OSBP: variants seen among roughly 807,000 people sequenced by gnomAD.
OSBP encodes the protein oxysterol binding protein, also known as oxysterol-binding protein 1.
In OSBP, 32 loss-of-function variants were observed where a neutral mutation model predicts 96.6. That is an observed-to-expected ratio of 0.33 (90% confidence interval 0.25 to 0.45). The LOEUF (loss-of-function observed/expected upper bound fraction) is 0.45. Ranked by LOEUF, OSBP falls within the 20% of genes least tolerant of loss-of-function variation. The pLI, the probability that OSBP is intolerant of heterozygous loss-of-function variation, is 1.00. For synonymous variants in OSBP, 369 were observed against 389.6 expected (o/e 0.95, Z 0.62); for missense variants, 653 against 1,029.7 (o/e 0.63, Z 5.01).
chr11:59,585,089 G>A (rs1429855812), intron 9 of OSBP, among the ~76,000 whole-genome samples: 2 of 150,376 alleles, frequency 1.3e-5, no homozygotes, highest in African/African-American at 2.4e-5. Context: ...GTCTCTGCCT[G>A]GCTGCCCATC....
At position 59,576,979 on chromosome 11, in the gene OSBP, G is replaced by A; in HGVS notation, c.2107C>T (p.Leu703Phe). ...GCAGTGCCACTTTCCCAAGCATTGA[G>A]AGTCAGAGCAAGCTCTGAGAAGTAG... is the stretch of plus-strand genomic sequence containing the variant. ...MYYFSELALT[L>F]NAWESGTAPT... is the part of the protein sequence containing the mutation. The change falls in exon 13 of 14, where the codon CTC becomes TTC. Residue 703 changes from leucine to phenylalanine, a missense_variant. Coordinates refer to ENST00000263847, the MANE Select transcript of OSBP (RefSeq NM_002556.3). 6.2e-7 allele frequency: 1 copy of A among 1,614,192 alleles called. No individual in the cohort carries two copies. The highest frequency in any genetic ancestry group is 8.5e-7 in the Non-Finnish European group (1 of 1,180,038).
intron 7 of OSBP, among the ~76,000 whole-genome samples, chr11:59,596,565 G>C (rs376116939): frequency 1.3e-5 from 2 of 149,664 alleles, no homozygotes; most frequent in Admixed American, 1.3e-4. Context: ...GAGCTATACA[G>C]CTGATGAAAA....
intron 9 of OSBP, chr11:59,593,380 T>G: frequency 1.9e-6 from 1 of 519,612 alleles, no homozygotes; most frequent in Non-Finnish European, 3.5e-6. Context: ...TAAATATAGC[T>G]AAGAGGATAA....
chr11:59,583,659 T>C lies in OSBP; in HGVS notation c.1679-2105A>G, dbSNP rs796759281. 8.5e-3 allele frequency among the ~76,000 whole-genome samples: 1,170 copies of C among 137,464 alleles called. 14 individuals carry two copies. The highest frequency in any genetic ancestry group is 0.032 in the African/African-American group (1,064 of 33,132). The allele number at this position is 137,464 out of a possible 152,430, so 90.2% of individuals were successfully genotyped here. ...GTTTTTTTTTTTTTTTTTTTTTTTT[T>C]TCGAGATGGAGTCTTGCTCTGTCAC... On this transcript the variant is annotated intron_variant, in intron 9 of 13. Coordinates refer to ENST00000263847, the MANE Select transcript of OSBP (RefSeq NM_002556.3).
chr11:59,581,856 C>G (rs1860425571), intron 9 of OSBP, among the ~76,000 whole-genome samples: 1 of 152,206 alleles, frequency 6.6e-6, no homozygotes, highest in Non-Finnish European at 1.5e-5. Flanking sequence ...AGAAACAAGT[C>G]AAATGCACCC....
intron 9 of OSBP, among the ~76,000 whole-genome samples, chr11:59,591,956 G>A (rs1860589193): frequency 1.3e-5 from 2 of 152,092 alleles, no homozygotes; most frequent in Admixed American, 6.6e-5. Context: ...TTGAATCCAT[G>A]AATGCAGAAT....
At chr11:59,591,641 G>A (rs968068715) in intron 9 of OSBP, among the ~76,000 whole-genome samples, 1 of 58,976 alleles carries the variant, frequency 1.7e-5, no homozygotes, top group Non-Finnish European at 3.5e-5. Context: ...TTTTTTTTTT[G>A]AGGAGTTCTG....
intron 3 of OSBP, among the ~76,000 whole-genome samples, chr11:59,603,538 T>C (rs113569369): frequency 6.8e-6 from 1 of 146,894 alleles, no homozygotes; most frequent in South Asian, 2.2e-4. Flanking sequence ...AGTTTTTTTT[T>C]TTTTTTTTTT....
chr11:59,585,632 C>A (rs796933175), intron 9 of OSBP, among the ~76,000 whole-genome samples: 12 of 152,074 alleles, frequency 7.9e-5, no homozygotes, highest in Non-Finnish European at 1.3e-4. Flanking sequence ...AAGTGAGGAG[C>A]CCCTCTGCCA....
chr11:59,611,449 G>A (rs542702181), intron 1 of OSBP, among the ~76,000 whole-genome samples: 4 of 152,034 alleles, frequency 2.6e-5, no homozygotes, highest in Admixed American at 6.5e-5. Context: ...AAACCATCTC[G>A]CTCCCGACTG....
At chr11:59,604,261 T>C (rs1219880890) in intron 3 of OSBP, among the ~76,000 whole-genome samples, 1 of 152,192 alleles carries the variant, frequency 6.6e-6, no homozygotes, top group Admixed American at 6.5e-5. Flanking sequence ...TTAGTTATTA[T>C]AATTATAAGC....
At chr11:59,589,207 C>T (rs1860544162) in intron 9 of OSBP, among the ~76,000 whole-genome samples, 1 of 146,300 alleles carries the variant, frequency 6.8e-6, no homozygotes, top group African/African-American at 2.5e-5. Context: ...AGGCTGGTAT[C>T]AGACTCTTGG....
intron 1 of OSBP, among the ~76,000 whole-genome samples, chr11:59,612,099 T>A (rs150256713): frequency 5.9e-5 from 9 of 152,350 alleles, no homozygotes; most frequent in African/African-American, 2.2e-4. Context: ...TATCCAGAAT[T>A]CCTGCATGCC....
intron 9 of OSBP, among the ~76,000 whole-genome samples, chr11:59,593,255 TAC>T (rs1490974695): frequency 1.3e-5 from 2 of 152,046 alleles, no homozygotes; most frequent in Admixed American, 1.3e-4. Flanking sequence ...AGTTCTGATT[TAC>T]AGAGAGAACC....
chr11:59,591,077 A>G (rs1860573557), intron 9 of OSBP, among the ~76,000 whole-genome samples: 1 of 152,260 alleles, frequency 6.6e-6, no homozygotes, highest in Non-Finnish European at 1.5e-5. Flanking sequence ...CCGGTGATCC[A>G]AATTCTTAAA....
At chr11:59,602,421 T>A (rs575866085) in intron 3 of OSBP, among the ~76,000 whole-genome samples, 1 of 152,314 alleles carries the variant, frequency 6.6e-6, no homozygotes, top group South Asian at 2.1e-4. Context: ...GAAGCCTACT[T>A]GAAAAATCAA....
chr11:59,597,923 C>T (rs1860678178), intron 7 of OSBP, among the ~76,000 whole-genome samples: 1 of 152,126 alleles, frequency 6.6e-6, no homozygotes, highest in Non-Finnish European at 1.5e-5. Flanking sequence ...CTAGGCTGGT[C>T]TCGAACTCCT....
At chr11:59,593,979 G>C in intron 8 of OSBP, 31 bp downstream of exon 8, 2 of 1,607,040 alleles carry the variant, frequency 1.2e-6, no homozygotes, top group South Asian at 2.2e-5. Context: ...CTTCAGAAAG[G>C]AAATGCGTTA....
At chr11:59,598,127 C>G (rs1316776263) in intron 7 of OSBP, among the ~76,000 whole-genome samples, 1 of 152,216 alleles carries the variant, frequency 6.6e-6, no homozygotes, top group African/African-American at 2.4e-5. Flanking sequence ...CAGCCCAACA[C>G]TTCTCTAACA....
Sources: gnomAD v4.1 joint callset for allele counts (sites outside exome capture counted in the v4.1 genomes callset) on GRCh38, gnomAD v4.1.1 for gene constraint, MANE v1.5 for transcripts, NCBI Gene and HGNC (gene_info 2026-07-23, HGNC 2026-07-21) for gene names.